The following RBMXL2 variants were observed in gnomAD, a reference collection of about 807,000 sequenced individuals.
The protein encoded by RBMXL2 is RBMX like 2, also known as RNA-binding motif protein, X-linked-like-2.
A neutral mutation model predicts 1.0 loss-of-function variants in RBMXL2; 2 were observed. The observed-to-expected ratio is 2.05, with a 90% CI of 0.84 to 6.44. RBMXL2 has a LOEUF of 6.44. RBMXL2 is among the 30% of genes most tolerant of loss of function. The pLI is 0.05. For missense variants in RBMXL2, 658 were observed against 608.5 expected (o/e 1.08, Z -0.85); for synonymous variants, 313 against 267.9 (o/e 1.17, Z -1.64).
chr11:7,090,579 T>G lies in RBMXL2; in HGVS notation c.*280T>G, dbSNP rs1400412284. The G allele has an allele frequency of 8.5e-6, 4 of 471,978 alleles. No homozygotes were observed. The highest frequency in any genetic ancestry group is 3.5e-5 in the Admixed American group (1 of 28,192). 29.2% of individuals were successfully genotyped at this position (471,978 alleles called of 1,614,324 possible). A position where few individuals can be genotyped will look rare whatever the true frequency, so the allele number is the denominator to read the frequency against. On this transcript the variant is annotated 3_prime_UTR_variant, in exon 1 of 1. Coordinates refer to ENST00000306904, the MANE Select transcript of RBMXL2 (RefSeq NM_014469.5). ...CTTACATTTACAAGTAGAAATTCGA[T>G]TAATGGCTTCTTCCCTTGTAAATTT... is the stretch of plus-strand genomic sequence containing the variant.
In RBMXL2 at chr11:7,089,131, C is replaced by G. The variant is rs201705374; in HGVS notation, c.11C>G (p.Ala4Gly). 2.2e-5 allele frequency: 35 copies of G among 1,613,634 alleles called. No homozygotes were observed. Among genetic ancestry groups the G allele is most frequent in the Non-Finnish European group, 3.0e-5 (35 of 1,179,848 alleles). MVEADRPGKLFIGG... is the reference protein window; with the variant it reads MVEGDRPGKLFIGG... ...GTTCGACCGGCAAACATGGTTGAAG[C>G]GGATCGCCCGGGGAAGCTGTTCATT... The change falls in exon 1 of 1, where the codon GCG becomes GGG. Residue 4 changes from alanine (A) to glycine (G), a missense_variant. Transcript: ENST00000306904.
chr11:7,090,329 T>A lies in RBMXL2; in HGVS notation c.*30T>A, dbSNP rs1853109896. ...GAACAGACTTGGGACCAAAAATCCC[T>A]TTTCAACGAAACTAACAAAAAGAAG... is the stretch of plus-strand genomic sequence containing the variant. On this transcript the variant is annotated 3_prime_UTR_variant, in exon 1 of 1. Transcript: ENST00000306904. 1 of 1,558,066 alleles carries A rather than the reference T, an allele frequency of 6.4e-7. No homozygotes were observed. Among genetic ancestry groups the A allele is most frequent in the Non-Finnish European group, 8.7e-7 (1 of 1,149,398 alleles).
Position 7,089,460 on chromosome 11 carries a change from G to A in RBMXL2, c.340G>A (p.Gly114Ser). The change falls in exon 1 of 1, where the codon GGT (glycine) becomes AGT (serine). Residue 114 changes from glycine to serine, a missense_variant. By Grantham distance (56) the Gly-to-Ser change is moderately conservative. Transcript: ENST00000306904. ...RPRFLRGTRG[G>S]GGGPRRSPSR... ...GAGGTTCCTGCGCGGAACCCGCGGG[G>A]GTGGCGGCGGCCCGCGGCGTTCCCC... 1 of 1,317,566 alleles carries A rather than the reference G, an allele frequency of 7.6e-7. No individual in the cohort carries two copies. The highest frequency in any genetic ancestry group is 9.7e-7 in the Non-Finnish European group (1 of 1,033,814). The allele number at this position is 1,317,566 out of a possible 1,614,324, so 81.6% of individuals were successfully genotyped here. A position where few individuals can be genotyped will look rare whatever the true frequency, so the allele number is the denominator to read the frequency against.
In RBMXL2 at chr11:7,089,847, T is replaced by A. The variant is rs765568273; in HGVS notation, c.727T>A (p.Tyr243Asn). 1.2e-5 allele frequency: 20 copies of A among 1,611,766 alleles called. No individual in the cohort carries two copies. In the East Asian group the frequency reaches 4.5e-4, roughly 36 times the overall value. Reference protein sequence around the residue: ...PSPGEYTHRDYGHSSVRDDCP... With the variant: ...PSPGEYTHRDNGHSSVRDDCP... ...GCCCGGAGAGTACACCCACCGCGATTACGGCCACTCCAGTGTCCGGGACGA... is the reference window on the plus strand; with the variant it reads ...GCCCGGAGAGTACACCCACCGCGATAACGGCCACTCCAGTGTCCGGGACGA... Residue 243 changes from tyrosine (Y) to asparagine (N), a missense_variant, in exon 1 of 1, where the codon TAC becomes AAC. Tyr to Asn is a moderately radical substitution (Grantham distance 143). Coordinates refer to ENST00000306904, the MANE Select transcript of RBMXL2 (RefSeq NM_014469.5).
In RBMXL2 at chr11:7,089,172, G is replaced by A. The variant is rs754785233; in HGVS notation, c.52G>A (p.Glu18Lys). 8.7e-6 allele frequency: 14 copies of A among 1,614,038 alleles called. No homozygotes were observed. The Admixed American group carries it at 2.0e-4, about 23-fold the overall frequency. Reference sequence around the variant, plus strand: ...GCTGTTCATTGGGGGCCTCAACCTCGAAACCGACGAGAAAGCCCTCGAAGC... The same window carrying A: ...GCTGTTCATTGGGGGCCTCAACCTCAAAACCGACGAGAAAGCCCTCGAAGC... ...GKLFIGGLNL[E>K]TDEKALEAEF... Residue 18 changes from glutamate to lysine, a missense_variant, in exon 1 of 1, where the codon GAA (glutamate) becomes AAA (lysine). Coordinates refer to ENST00000306904, the MANE Select transcript of RBMXL2 (RefSeq NM_014469.5).
In RBMXL2 at chr11:7,089,380, C is replaced by T. The variant is rs750554717; in HGVS notation, c.260C>T (p.Pro87Leu). 4.4e-6 allele frequency: 7 copies of T among 1,603,140 alleles called. No homozygotes were observed. The highest frequency in any genetic ancestry group is 1.1e-5 in the South Asian group (1 of 89,736). ...ATCAAGGTGGCCCAGGCCACCAAAC[C>T]GGCGTTCGAGAGCAGCCGGCGGGGC... ...KAIKVAQATK[P>L]AFESSRRGPP... is the part of the protein sequence containing the mutation. Residue 87 changes from proline (P) to leucine (L), a missense_variant, in exon 1 of 1, where the codon CCG becomes CTG. Pro to Leu is a moderately conservative substitution (Grantham distance 98). Transcript: ENST00000306904.
chr11:7,089,902 A>T lies in RBMXL2; in HGVS notation c.782A>T (p.Asp261Val). 1 of 1,612,748 alleles carries T rather than the reference A, an allele frequency of 6.2e-7. No individual in the cohort carries two copies. The highest frequency in any genetic ancestry group is 1.3e-5 in the African/African-American group (1 of 74,962). ...CCCTTGAGAGGCTACAGCGACCGAG[A>T]CGGCTACGGAGGTCGCGACCGTGAC... Reference protein sequence around the residue: ...DCPLRGYSDRDGYGGRDRDYG... With the variant: ...DCPLRGYSDRVGYGGRDRDYG... The change falls in exon 1 of 1, where the codon GAC (aspartate) becomes GTC (valine). Residue 261 changes from aspartate to valine, a missense_variant. Asp to Val is a radical substitution (Grantham distance 152). Transcript: ENST00000306904.
chr11:7,089,618 G>T lies in RBMXL2; in HGVS notation c.498G>T (p.Pro166=). 2.5e-6 allele frequency: 3 copies of T among 1,220,892 alleles called. No homozygotes were observed. Among genetic ancestry groups the T allele is most frequent in the Non-Finnish European group, 3.1e-6 (3 of 980,436 alleles). The allele number at this position is 1,220,892 out of a possible 1,614,324, so 75.6% of individuals were successfully genotyped here. Residue 166 remains proline (P), a synonymous_variant, in exon 1 of 1, where the codon CCG becomes CCT. Coordinates refer to ENST00000306904, the MANE Select transcript of RBMXL2 (RefSeq NM_014469.5). ...RVGPPPKRAA[P]SGPARSSGGG... ...GCCCACCCCCCAAGAGGGCCGCGCC[G>T]TCGGGCCCGGCTCGCAGCAGCGGCG...
chr11:7,090,239 C>T lies in RBMXL2; in HGVS notation c.1119C>T (p.Pro373=). Residue 373 remains proline (P), a synonymous_variant, in exon 1 of 1, where the codon CCC becomes CCT. Coordinates refer to ENST00000306904, the MANE Select transcript of RBMXL2 (RefSeq NM_014469.5). ...DSYSRSGCRV[P]RGGGRLGGRL... ...ACAGCCGGTCAGGCTGCAGGGTGCC[C>T]AGGGGCGGAGGCCGTCTAGGAGGCC... 1 of 1,610,594 alleles carries T rather than the reference C, an allele frequency of 6.2e-7. No homozygotes were observed. The highest frequency in any genetic ancestry group is 8.5e-7 in the Non-Finnish European group (1 of 1,178,506).
chr11:7,089,481 T>C lies in RBMXL2; in HGVS notation c.361T>C (p.Ser121Pro), dbSNP rs1853085862. 1 of 1,257,980 alleles carries C rather than the reference T, an allele frequency of 7.9e-7. No individual in the cohort carries two copies. The highest frequency in any genetic ancestry group is 2.5e-5 in the South Asian group (1 of 40,728). 77.9% of individuals were successfully genotyped at this position (1,257,980 alleles called of 1,614,324 possible). The change falls in exon 1 of 1, where the codon TCC becomes CCC. Residue 121 changes from serine to proline, a missense_variant. Ser to Pro is a moderately conservative substitution (Grantham distance 74). Coordinates refer to ENST00000306904, the MANE Select transcript of RBMXL2 (RefSeq NM_014469.5). ...CGGGGGTGGCGGCGGCCCGCGGCGTTCCCCATCCCGGGGCGGGCCCGATGA... is the reference window on the plus strand; with the variant it reads ...CGGGGGTGGCGGCGGCCCGCGGCGTCCCCCATCCCGGGGCGGGCCCGATGA... Reference protein sequence around the residue: ...TRGGGGGPRRSPSRGGPDDDG... With the variant: ...TRGGGGGPRRPPSRGGPDDDG...
Position 7,089,737 on chromosome 11 carries a change from A to G in RBMXL2, c.617A>G (p.Tyr206Cys), listed in dbSNP as rs1291408729. 1.3e-6 allele frequency: 2 copies of G among 1,545,846 alleles called. No individual in the cohort carries two copies. The highest frequency in any genetic ancestry group is 1.7e-6 in the Non-Finnish European group (2 of 1,152,118). Residue 206 changes from tyrosine (Y) to cysteine (C), a missense_variant, in exon 1 of 1, where the codon TAC becomes TGC. Coordinates refer to ENST00000306904, the MANE Select transcript of RBMXL2 (RefSeq NM_014469.5). ...REPLPPRRDP[Y>C]LGPRDEGYSS... Reference sequence around the variant, plus strand: ...CCGCTGCCCCCGCGCCGCGACCCCTACCTGGGCCCGCGGGATGAGGGCTAC... The same window carrying G: ...CCGCTGCCCCCGCGCCGCGACCCCTGCCTGGGCCCGCGGGATGAGGGCTAC...
At position 7,089,081 on chromosome 11, in the gene RBMXL2, C is replaced by T. The variant is rs1255689568; in HGVS notation, c.-40C>T. On this transcript the variant is annotated 5_prime_UTR_variant, in exon 1 of 1. Transcript: ENST00000306904. ...AAGGCTGCGACTGGCGCCGCCTCAC[C>T]GCCTCCCACCGCCACTGACCGACCG... 5 of 1,595,838 alleles carry T rather than the reference C, an allele frequency of 3.1e-6. No homozygotes were observed. The highest frequency in any genetic ancestry group is 2.7e-5 in the African/African-American group (2 of 74,492).
At position 7,090,890 on chromosome 11, in the gene RBMXL2, A is replaced by G. The variant is rs1853120074; in HGVS notation, c.*591A>G. The G allele has an allele frequency of 5.8e-6, 1 of 171,068 alleles. No homozygotes were observed. The highest frequency in any genetic ancestry group is 2.4e-5 in the African/African-American group (1 of 41,490). 10.6% of individuals were successfully genotyped at this position (171,068 alleles called of 1,614,324 possible). On this transcript the variant is annotated 3_prime_UTR_variant, in exon 1 of 1. Coordinates refer to ENST00000306904, the MANE Select transcript of RBMXL2 (RefSeq NM_014469.5). ...CAGTAAATCTGAAAAGTAAATGGAT[A>G]ATGTTGGCCATGTTTTGCCTTTTTG...
rs1853101766 is a variant in RBMXL2 at position 7,090,049 on chromosome 11, A to G, written c.929A>G (p.Glu310Gly). 6.2e-7 allele frequency: 1 copy of G among 1,613,092 alleles called. No individual in the cohort carries two copies. The highest frequency in any genetic ancestry group is 8.5e-7 in the Non-Finnish European group (1 of 1,179,854). The change falls in exon 1 of 1, where the codon GAG (glutamate) becomes GGG (glycine). Residue 310 changes from glutamate to glycine, a missense_variant. Physicochemically the swap from Glu to Gly is moderately conservative, Grantham distance 98. Transcript: ENST00000306904. The part of the protein sequence containing the change: ...PSYGGGGRYE[E>G]YRGYSPDAYS... ...TACGGAGGAGGAGGCCGCTACGAGG[A>G]GTACCGGGGCTACTCACCCGATGCC...
At position 7,090,105 on chromosome 11, in the gene RBMXL2, A is replaced by G. The variant is rs2119493171; in HGVS notation, c.985A>G (p.Ser329Gly). 3 of 1,611,870 alleles carry G rather than the reference A, an allele frequency of 1.9e-6. No homozygotes were observed. The highest frequency in any genetic ancestry group is 2.5e-6 in the Non-Finnish European group (3 of 1,178,992). ...CGGCGGCCGCGACAGTTACAGCAGC[A>G]GTTATGGCCGGAGCGACCGCTACTC... ...YSGGRDSYSS[S>G]YGRSDRYSRG... Residue 329 changes from serine to glycine, a missense_variant, in exon 1 of 1, where the codon AGT (serine) becomes GGT (glycine). By Grantham distance (56) the Ser-to-Gly change is moderately conservative. Transcript: ENST00000306904.
At position 7,089,094 on chromosome 11, in the gene RBMXL2, C is replaced by T. The variant is rs1431015948; in HGVS notation, c.-27C>T. The T allele has an allele frequency of 6.2e-7, 1 of 1,606,806 alleles. No homozygotes were observed. Among genetic ancestry groups the T allele is most frequent in the Admixed American group, 1.7e-5 (1 of 59,280 alleles). On this transcript the variant is annotated 5_prime_UTR_variant, in exon 1 of 1. Transcript: ENST00000306904. ...GCGCCGCCTCACCGCCTCCCACCGC[C>T]ACTGACCGACCGTTCGACCGGCAAA... is the stretch of plus-strand genomic sequence containing the variant.
chr11:7,090,259 G>A lies in RBMXL2; in HGVS notation c.1139G>A (p.Gly380Glu). The A allele has an allele frequency of 6.2e-7, 1 of 1,607,908 alleles. No homozygotes were observed. Among genetic ancestry groups the A allele is most frequent in the Non-Finnish European group, 8.5e-7 (1 of 1,177,226 alleles). ...CRVPRGGGRL[G>E]GRLERGGGRS... is the part of the protein sequence containing the mutation. ...GTGCCCAGGGGCGGAGGCCGTCTAGGAGGCCGCTTGGAGAGAGGAGGAGGC... is the reference window on the plus strand; with the variant it reads ...GTGCCCAGGGGCGGAGGCCGTCTAGAAGGCCGCTTGGAGAGAGGAGGAGGC... Residue 380 changes from glycine to glutamate, a missense_variant, in exon 1 of 1, where the codon GGA becomes GAA. By Grantham distance (98) the Gly-to-Glu change is moderately conservative (BLOSUM62 -2). Transcript: ENST00000306904.
chr11:7,089,524 C>T lies in RBMXL2; in HGVS notation c.404C>T (p.Ala135Val), dbSNP rs1193384881. The part of the protein sequence containing the change: ...GGPDDDGGYT[A>V]DFDLRPSRAP... ...CCCGATGATGACGGCGGCTACACGGCGGATTTCGACCTGCGGCCCTCCAGG... is the reference window on the plus strand; with the variant it reads ...CCCGATGATGACGGCGGCTACACGGTGGATTTCGACCTGCGGCCCTCCAGG... The change falls in exon 1 of 1, where the codon GCG becomes GTG. Residue 135 changes from alanine to valine, a missense_variant. Transcript: ENST00000306904. 1 of 1,209,540 alleles carries T rather than the reference C, an allele frequency of 8.3e-7. No homozygotes were observed. The highest frequency in any genetic ancestry group is 1.0e-6 in the Non-Finnish European group (1 of 973,468). 74.9% of individuals were successfully genotyped at this position (1,209,540 alleles called of 1,614,324 possible).
rs1040062178 is a variant in RBMXL2 at position 7,089,059 on chromosome 11, G to T, written c.-62G>T. ...CCGCCCTCGACGAGCGAGCTCGAAG[G>T]CTGCGACTGGCGCCGCCTCACCGCC... is the stretch of plus-strand genomic sequence containing the variant. On this transcript the variant is annotated 5_prime_UTR_variant, in exon 1 of 1. Coordinates refer to ENST00000306904, the MANE Select transcript of RBMXL2 (RefSeq NM_014469.5). The T allele has an allele frequency of 6.4e-7, 1 of 1,562,772 alleles. No homozygotes were observed. The highest frequency in any genetic ancestry group is 1.8e-5 in the Admixed American group (1 of 55,234).
Sources: allele counts gnomAD v4.1 joint callset, GRCh38; gene constraint gnomAD v4.1.1; transcripts MANE v1.5; gene names NCBI Gene and HGNC (gene_info 2026-07-23, HGNC 2026-07-21).